SNX25: variants seen among roughly 807,000 people sequenced by gnomAD.
The protein encoded by SNX25 is sorting nexin 25.
A neutral mutation model predicts 113.7 loss-of-function variants in SNX25; 62 were observed. The observed-to-expected ratio is 0.55, with a 90% CI of 0.44 to 0.67. SNX25 has a LOEUF of 0.67. Ranked by LOEUF, SNX25 falls within the 30% of genes least tolerant of loss-of-function variation. SNX25 has a pLI of 0.00. For synonymous variants in SNX25, 421 were observed against 436.2 expected, an observed-to-expected ratio of 0.97 and a Z score of 0.43; for missense variants, 1,014 against 1,161.0, an observed-to-expected ratio of 0.87 and a Z score of 1.84.
chr4:185,345,732 C>CA (rs1416953807), intron 12 of SNX25, among the ~76,000 whole-genome samples: 1 of 151,580 alleles, frequency 6.6e-6, no homozygotes, highest in African/African-American at 2.4e-5. Context: ...TCAAGGCTGC[C>CA]ATGAGCCATG....
rs7676288 is a variant in SNX25, at chr4:185,232,534, A to C, written c.430-14760A>C. On this transcript the variant is annotated intron_variant, in intron 1 of 18. Transcript: ENST00000652585. This position sits in a 1 kb window ranked among gnomAD's most constrained non-coding sequence, Gnocchi z 4.4. ...TACTTAGATTTATCATGCTTCAAAAATGGACCATTTAAAATGTTTCCTCAC... is the reference window on the plus strand; with the variant it reads ...TACTTAGATTTATCATGCTTCAAAACTGGACCATTTAAAATGTTTCCTCAC... Among the ~76,000 whole-genome samples, 57,104 of 152,096 alleles carry C rather than the reference A, an allele frequency of 0.38. 13,018 individuals carry two copies. Among genetic ancestry groups the C allele is most frequent in the East Asian group, 0.59 (3,057 of 5,172 alleles).
chr4:185,276,951 G>T (rs1198294087), intron 5 of SNX25, among the ~76,000 whole-genome samples: 4 of 152,234 alleles, frequency 2.6e-5, no homozygotes, highest in Non-Finnish European at 4.4e-5. Flanking sequence ...GAAGGGTTGA[G>T]AAGGGCCAGA....
rs911683082 is a variant in SNX25, at chr4:185,209,961, A to G, written c.135A>G (p.Ala45=). 5.3e-5 allele frequency: 52 copies of G among 982,912 alleles called. No individual in the cohort carries two copies. The highest frequency in any genetic ancestry group is 6.3e-5 in the Non-Finnish European group (52 of 829,014). 60.9% of individuals were successfully genotyped at this position (982,912 alleles called of 1,614,324 possible). A position where few individuals can be genotyped will look rare whatever the true frequency, so the allele number is the denominator to read the frequency against. The change falls in exon 1 of 19, where the codon GCA becomes GCG. Residue 45 remains alanine (A), a synonymous_variant. Transcript: ENST00000652585. This position sits in a 1 kb window ranked among gnomAD's most constrained non-coding sequence, Gnocchi z 5.2. ...CCCCGGGGGACGCGGAGGCAGCAGC[A>G]GCGGCGGCGCCGGGGGCCCCGGGCG... ...PESPGDAEAA[A]AAAPGAPGGR... is the part of the protein sequence containing the mutation.
chr4:185,325,817 T>C (rs1032382534), intron 9 of SNX25, among the ~76,000 whole-genome samples: 1 of 152,178 alleles, frequency 6.6e-6, no homozygotes, highest in East Asian at 1.9e-4. Context: ...AGTGACATTC[T>C]TTACTCATCA....
intron 1 of SNX25, among the ~76,000 whole-genome samples, chr4:185,228,191 C>T (rs1274482702): frequency 6.6e-6 from 1 of 152,068 alleles, no homozygotes; most frequent in South Asian, 2.1e-4. Flanking sequence ...AAAGTGGTAC[C>T]TAGAGGGGAG....
At chr4:185,367,300 CTTCTTTTTTTTTTT>C (rs894207394), downstream of SNX25, 3 of 1,336,510 alleles carry the variant, frequency 2.2e-6, no homozygotes, top group Admixed American at 4.6e-5. Context: ...TTGGGTCTTT[CTTCTTTTTTTTTTT>C]TTCTTTTTTG....
Position 185,232,841 on chromosome 4 carries a change from A to G in SNX25, c.430-14453A>G, listed in dbSNP as rs1027330436. Among the ~76,000 whole-genome samples the G allele has an allele frequency of 2.0e-5, 3 of 152,210 alleles. No individual in the cohort carries two copies. The highest frequency in any genetic ancestry group is 4.4e-5 in the Non-Finnish European group (3 of 68,044). On this transcript the variant is annotated intron_variant, in intron 1 of 18. Transcript: ENST00000652585. This position sits in a 1 kb window ranked among gnomAD's most constrained non-coding sequence, Gnocchi z 4.4. ...TTCAAAATTCTCTTAGATTGGTTGT[A>G]TACTTGAGTAATTTATCTTCTGTGA... is the stretch of plus-strand genomic sequence containing the variant.
intron 6 of SNX25, among the ~76,000 whole-genome samples, chr4:185,305,121 T>C (rs901349370): frequency 6.6e-6 from 1 of 152,116 alleles, no homozygotes; most frequent in East Asian, 1.9e-4. Flanking sequence ...AGGGGACATG[T>C]GACAATAGTC....
At position 185,320,779 on chromosome 4, in the gene SNX25, A is replaced by G. The variant is rs1404472485; in HGVS notation, c.1391A>G (p.His464Arg). ...DILANTFYRE[H>R]FGMYMERMDK... ...TTGGCCAATACGTTCTACCGAGAGC[A>G]CTTTGGAATGTACATGGAAAGGATG... Residue 464 changes from histidine to arginine, a missense_variant, in exon 8 of 19, where the codon CAC becomes CGC. Coordinates refer to ENST00000652585, the MANE Select transcript of SNX25 (RefSeq NM_001378034.2). The G allele has an allele frequency of 6.2e-7, 1 of 1,603,712 alleles. No individual in the cohort carries two copies. Among genetic ancestry groups the G allele is most frequent in the Non-Finnish European group, 8.5e-7 (1 of 1,175,542 alleles).
downstream of SNX25, chr4:185,372,931 A>G (rs748856233): frequency 6.2e-7 from 1 of 1,613,894 alleles, no homozygotes; most frequent in Non-Finnish European, 8.5e-7. Flanking sequence ...TTGAGCATAG[A>G]CGTTTCCGCG....
chr4:185,260,135 T>G (rs576363495), intron 3 of SNX25, among the ~76,000 whole-genome samples: 2 of 152,176 alleles, frequency 1.3e-5, no homozygotes, highest in Admixed American at 6.5e-5. Flanking sequence ...GACACTTTTT[T>G]TAACGTTTTT....
Position 185,353,772 on chromosome 4 carries a change from A to G in SNX25, c.2584+170A>G, listed in dbSNP as rs185824381. Among the ~76,000 whole-genome samples, 641 of 152,310 alleles carry G rather than the reference A, an allele frequency of 4.2e-3. 4 individuals carry two copies. The highest frequency in any genetic ancestry group is 0.014 in the African/African-American group (600 of 41,584). On this transcript the variant is annotated intron_variant, in intron 15 of 18. Transcript: ENST00000652585. ...TTTTAAGAGCCAACCCAGGCCGGGC[A>G]CGGTGGCTCACGCCTGTAATCCCAG...
At chr4:185,251,414 C>CA (rs1375953774) in intron 2 of SNX25, among the ~76,000 whole-genome samples, 1 of 152,148 alleles carries the variant, frequency 6.6e-6, no homozygotes, top group Non-Finnish European at 1.5e-5. Flanking sequence ...CTTCCTCCAG[C>CA]CTCTGGTAAC....
At chr4:185,255,905 T>A (rs746391475) in intron 2 of SNX25, among the ~76,000 whole-genome samples, 11 of 152,228 alleles carry the variant, frequency 7.2e-5, no homozygotes, top group Non-Finnish European at 1.5e-5. Context: ...TTTTTGCAGT[T>A]TCATCTGGGT....
chr4:185,236,310 C>G (rs1478630566), intron 1 of SNX25, among the ~76,000 whole-genome samples: 1 of 152,044 alleles, frequency 6.6e-6, no homozygotes, highest in Non-Finnish European at 1.5e-5. Flanking sequence ...CTGTAGTGAG[C>G]CATGACTGTG....
chr4:185,350,705 T>A (rs189420563), intron 13 of SNX25, among the ~76,000 whole-genome samples: 3 of 152,100 alleles, frequency 2.0e-5, no homozygotes, highest in African/African-American at 7.2e-5. Context: ...TACCAAAAAA[T>A]GCGAAAATTA....
chr4:185,322,460 TATTGTAC>T (rs1233049553), intron 8 of SNX25, among the ~76,000 whole-genome samples: 1 of 152,156 alleles, frequency 6.6e-6, no homozygotes, highest in African/African-American at 2.4e-5. Context: ...ACCAAGAGCA[TATTGTAC>T]ACTGAATTAC....
At chr4:185,220,941 G>A (rs555870461) in intron 1 of SNX25, among the ~76,000 whole-genome samples, 3 of 152,156 alleles carry the variant, frequency 2.0e-5, no homozygotes, top group African/African-American at 4.8e-5. Context: ...ATGGCTCACC[G>A]CAGCATCAGC....
intron 6 of SNX25, among the ~76,000 whole-genome samples, chr4:185,302,191 C>T (rs1753801242): frequency 6.6e-6 from 1 of 151,834 alleles, no homozygotes; most frequent in Non-Finnish European, 1.5e-5. Flanking sequence ...CCGCCTTGGC[C>T]TCCCAAAGTG....
Sources: gnomAD v4.1 joint callset for allele counts (sites outside exome capture counted in the v4.1 genomes callset) on GRCh38, gnomAD v4.1.1 for gene constraint, Gnocchi (gnomAD v3.1) non-coding constraint, MANE v1.5 for transcripts, NCBI Gene and HGNC (gene_info 2026-07-23, HGNC 2026-07-21) for gene names.